HS3ST4: variants seen among roughly 807,000 people sequenced by gnomAD.
The protein encoded by HS3ST4 is heparan sulfate glucosamine 3-O-sulfotransferase 4.
In HS3ST4, 17 loss-of-function variants were observed where a neutral mutation model predicts 29.2. The ratio of observed to expected loss-of-function variants is 0.58; its 90% confidence interval spans 0.40 to 0.87. HS3ST4 has a LOEUF of 0.87. Ranked by LOEUF, HS3ST4 falls within the 40% of genes least tolerant of loss-of-function variation. HS3ST4 has a pLI of 0.00. For missense variants in HS3ST4, 627 were observed against 634.5 expected, an observed-to-expected ratio of 0.99 and a Z score of 0.13; for synonymous variants, 314 against 285.7, an observed-to-expected ratio of 1.10 and a Z score of -1.00.
At chr16:26,086,405 A>G (rs1456750560) in intron 1 of HS3ST4, among the ~76,000 whole-genome samples, 1 of 151,104 alleles carries the variant, frequency 6.6e-6, no homozygotes, top group East Asian at 1.9e-4. Flanking sequence ...GCTGTAGTGC[A>G]GTGGCACGAT....
chr16:25,794,972 A>C (rs895850913), intron 1 of HS3ST4, among the ~76,000 whole-genome samples: 10 of 117,030 alleles, frequency 8.5e-5, no homozygotes, highest in East Asian at 2.7e-4. Flanking sequence ...TTTTTTCTTT[A>C]CTTTTTTTTT....
intron 1 of HS3ST4, among the ~76,000 whole-genome samples, chr16:26,079,320 A>T (rs982547536): frequency 6.6e-6 from 1 of 152,330 alleles, no homozygotes; most frequent in Non-Finnish European, 1.5e-5. Flanking sequence ...AACTTATCAA[A>T]TGTATCCTTT....
chr16:25,693,261 A>C, intron 1 of HS3ST4, 110 bp downstream of exon 1: 1 of 1,195,772 alleles, frequency 8.4e-7, no homozygotes, highest in Non-Finnish European at 1.1e-6. Flanking sequence ...GAGAGGCCCA[A>C]GCCCCCGCGA....
chr16:25,964,398 G>T (rs994636009), intron 1 of HS3ST4, among the ~76,000 whole-genome samples: 18 of 152,012 alleles, frequency 1.2e-4, no homozygotes, highest in Admixed American at 8.5e-4. Flanking sequence ...ATATAAATAA[G>T]TAAATAATAA....
intron 1 of HS3ST4, among the ~76,000 whole-genome samples, chr16:25,960,252 G>A (rs1266764738): frequency 2.6e-5 from 4 of 152,170 alleles, no homozygotes; most frequent in Non-Finnish European, 5.9e-5. Context: ...AGGCCTTACC[G>A]GAAGCTGAGC....
chr16:25,975,331 T>C (rs1459536014), intron 1 of HS3ST4, among the ~76,000 whole-genome samples: 3 of 151,810 alleles, frequency 2.0e-5, no homozygotes, highest in Non-Finnish European at 4.4e-5. Flanking sequence ...GATGGAAAAA[T>C]TACTTATTGG....
chr16:26,119,527 C>T (rs1206190188), intron 1 of HS3ST4, among the ~76,000 whole-genome samples: 2 of 152,104 alleles, frequency 1.3e-5, no homozygotes, highest in Non-Finnish European at 2.9e-5. Context: ...GATGCCCTCT[C>T]CTGAGGTTAG....
At chr16:26,024,746 A>G (rs1969450745) in intron 1 of HS3ST4, among the ~76,000 whole-genome samples, 1 of 152,154 alleles carries the variant, frequency 6.6e-6, no homozygotes, top group African/African-American at 2.4e-5. Context: ...AAAAAGTCTC[A>G]TTTACGTAGT....
chr16:26,055,240 A>T (rs1474526174), intron 1 of HS3ST4, among the ~76,000 whole-genome samples: 1 of 152,128 alleles, frequency 6.6e-6, no homozygotes, highest in African/African-American at 2.4e-5. Context: ...GCTCAGCCCC[A>T]AACCTCAGCT....
At chr16:25,830,562 G>A (rs535888196) in intron 1 of HS3ST4, among the ~76,000 whole-genome samples, 8 of 152,246 alleles carry the variant, frequency 5.3e-5, no homozygotes, top group East Asian at 3.9e-4. Flanking sequence ...TAAAGATGTC[G>A]CCAGTGTCCC....
intron 1 of HS3ST4, among the ~76,000 whole-genome samples, chr16:26,098,733 T>TA (rs113254267): frequency 1.1e-3 from 168 of 146,666 alleles, no homozygotes; most frequent in East Asian, 0.011. Flanking sequence ...TAAAGTATAA[T>TA]AAAAAAAAAA....
At chr16:25,738,903 T>C (rs188575174) in intron 1 of HS3ST4, among the ~76,000 whole-genome samples, 1 of 152,332 alleles carries the variant, frequency 6.6e-6, no homozygotes, top group Non-Finnish European at 1.5e-5. Flanking sequence ...TGCTCAAGAT[T>C]GACTTGGCTA....
intron 1 of HS3ST4, among the ~76,000 whole-genome samples, chr16:26,120,063 G>A (rs1485144967): frequency 3.1e-5 from 4 of 130,420 alleles, no homozygotes; most frequent in African/African-American, 1.1e-4. Flanking sequence ...GTGTGTGTGT[G>A]TGTGTGTATG....
chr16:25,885,719 C>T (rs1006983279), intron 1 of HS3ST4, among the ~76,000 whole-genome samples: 4 of 151,916 alleles, frequency 2.6e-5, no homozygotes, highest in African/African-American at 9.6e-5. Context: ...GAGTATCACA[C>T]ATATATGTAT....
rs368484632 is a variant in HS3ST4 at position 25,805,048 on chromosome 16, C to T, written c.734+111897C>T. Among the ~76,000 whole-genome samples, 6 of 152,158 alleles carry T rather than the reference C, an allele frequency of 3.9e-5. No homozygotes were observed. The East Asian group carries it at 9.7e-4, about 25-fold the overall frequency. On this transcript the variant is annotated intron_variant, in intron 1 of 1. Coordinates refer to ENST00000331351, the MANE Select transcript of HS3ST4 (RefSeq NM_006040.3). ...AAAGCAGTTCCATCATCTTCTCCTCCAAGTGTGTTAAGACCCCAGAGCTTG... is the reference window on the plus strand; with the variant it reads ...AAAGCAGTTCCATCATCTTCTCCTCTAAGTGTGTTAAGACCCCAGAGCTTG...
intron 1 of HS3ST4, among the ~76,000 whole-genome samples, chr16:25,923,080 A>G (rs1266768941): frequency 6.6e-6 from 1 of 152,170 alleles, no homozygotes; most frequent in Admixed American, 6.5e-5. Flanking sequence ...TACTACATAA[A>G]GTTTACCAAC....
intron 1 of HS3ST4, among the ~76,000 whole-genome samples, chr16:25,994,002 GT>G (rs1969137559): frequency 3.5e-5 from 5 of 142,590 alleles, no homozygotes; most frequent in Non-Finnish European, 7.7e-5. Context: ...GTGTGTGTGT[GT>G]GTGTGGTGGA....
intron 1 of HS3ST4, among the ~76,000 whole-genome samples, chr16:25,769,179 T>G (rs566502238): frequency 3.9e-5 from 6 of 152,198 alleles, no homozygotes; most frequent in Non-Finnish European, 7.4e-5. Flanking sequence ...TCAGGCCTGC[T>G]GGAATTGTGC....
chr16:25,924,258 T>G (rs969204921), intron 1 of HS3ST4, among the ~76,000 whole-genome samples: 2 of 152,080 alleles, frequency 1.3e-5, no homozygotes, highest in Admixed American at 1.3e-4. Flanking sequence ...ATTTTACCCC[T>G]TAAATATCTC....
Sources: allele counts gnomAD v4.1 joint callset (sites outside exome capture counted in the v4.1 genomes callset), GRCh38; gene constraint gnomAD v4.1.1; transcripts MANE v1.5; gene names NCBI Gene and HGNC (gene_info 2026-07-23, HGNC 2026-07-21).